Variants in NFIA observed in about 807,000 individuals in gnomAD.
The protein encoded by NFIA is nuclear factor I A.
Under a neutral mutation model 62.8 loss-of-function variants are expected in NFIA, and 8 were observed. That is an observed-to-expected ratio of 0.13 (90% CI 0.07 to 0.23). The LOEUF is 0.23. NFIA is among the 10% of genes least tolerant of loss of function. The pLI is 1.00. For missense variants in NFIA, 410 were observed against 642.1 expected (o/e 0.64, Z 3.91); for synonymous variants, 235 against 238.1 (o/e 0.99, Z 0.12).
chr1:61,160,094 T>C (rs1649087506), intron 2 of NFIA, among the ~76,000 whole-genome samples: 1 of 152,204 alleles, frequency 6.6e-6, no homozygotes, highest in African/African-American at 2.4e-5. Flanking sequence ...TGTTCTTTAA[T>C]AGGAGGGGCC....
At chr1:61,293,259 A>T (rs1659002019) in intron 3 of NFIA, among the ~76,000 whole-genome samples, 1 of 152,110 alleles carries the variant, frequency 6.6e-6, no homozygotes, top group Admixed American at 6.6e-5. Context: ...TTTGTAAATA[A>T]GAAATGTGCC....
chr1:61,235,667 G>A (rs1401632950), intron 2 of NFIA, among the ~76,000 whole-genome samples: 1 of 146,616 alleles, frequency 6.8e-6, no homozygotes, highest in Admixed American at 6.8e-5. Flanking sequence ...AAAAAAAAAA[G>A]CTGGGTGTGG....
intron 10 of NFIA, among the ~76,000 whole-genome samples, chr1:61,436,066 T>TG (rs1433272251): frequency 6.6e-6 from 1 of 152,106 alleles, no homozygotes; most frequent in Non-Finnish European, 1.5e-5. Flanking sequence ...CCTGCTCCCA[T>TG]GGGGCTGGGT....
At chr1:61,419,171 A>C (rs564144289) in intron 9 of NFIA, among the ~76,000 whole-genome samples, 1 of 152,312 alleles carries the variant, frequency 6.6e-6, no homozygotes, top group African/African-American at 2.4e-5. Context: ...GGCCAGGTGT[A>C]GTGGTTTGCC....
intron 2 of NFIA, among the ~76,000 whole-genome samples, chr1:61,263,356 G>A (rs552563375): frequency 9.2e-5 from 14 of 152,100 alleles, no homozygotes; most frequent in Non-Finnish European, 1.9e-4. Context: ...ATGCTGCCAG[G>A]GTTTAAACAT....
chr1:61,327,185 G>A (rs1164259351), intron 3 of NFIA, among the ~76,000 whole-genome samples: 1 of 150,298 alleles, frequency 6.7e-6, no homozygotes, highest in Non-Finnish European at 1.5e-5. Flanking sequence ...TGCTGCAAAT[G>A]AGACAGAGAG....
intron 7 of NFIA, among the ~76,000 whole-genome samples, chr1:61,402,950 A>G (rs1305899767): frequency 1.3e-5 from 2 of 152,202 alleles, no homozygotes; most frequent in Admixed American, 6.5e-5. Flanking sequence ...ATACAGATGC[A>G]TTCTTTTTCA....
chr1:61,155,809 T>C (rs1350751447), intron 2 of NFIA, among the ~76,000 whole-genome samples: 1 of 152,114 alleles, frequency 6.6e-6, no homozygotes, highest in Non-Finnish European at 1.5e-5. Flanking sequence ...ATTATTGGTG[T>C]GCTGGTGAAA....
intron 2 of NFIA, among the ~76,000 whole-genome samples, chr1:61,179,374 G>T (rs1177889437): frequency 6.6e-6 from 1 of 152,216 alleles, no homozygotes. Context: ...CTGGGGTATT[G>T]TTCCTAGTTC....
intron 2 of NFIA, among the ~76,000 whole-genome samples, chr1:61,185,890 C>T (rs1482911817): frequency 6.6e-6 from 1 of 152,046 alleles, no homozygotes. Flanking sequence ...GTCTGAAATG[C>T]TCTTGTTAAT....
intron 2 of NFIA, among the ~76,000 whole-genome samples, chr1:61,225,572 T>C (rs1426072073): frequency 6.6e-6 from 1 of 150,886 alleles, no homozygotes; most frequent in African/African-American, 2.4e-5. Context: ...TTTTTTTTTT[T>C]GCATGTGAAA....
At chr1:61,354,523 G>C (rs183423018) in intron 5 of NFIA, among the ~76,000 whole-genome samples, 62 of 152,270 alleles carry the variant, frequency 4.1e-4, no homozygotes, top group African/African-American at 1.5e-3. Context: ...AACACACACA[G>C]TGTTTTCATT....
intron 2 of NFIA, among the ~76,000 whole-genome samples, chr1:61,271,788 T>C (rs980509157): frequency 6.6e-6 from 1 of 152,364 alleles, no homozygotes; most frequent in East Asian, 1.9e-4. Flanking sequence ...AGTTACCGTG[T>C]ACATATATCT....
chr1:61,307,651 TTTTA>T (rs1659872224), intron 3 of NFIA, among the ~76,000 whole-genome samples: 1 of 152,230 alleles, frequency 6.6e-6, no homozygotes, highest in African/African-American at 2.4e-5. Context: ...CTGTTTTGTG[TTTTA>T]TTAAGTTGCT....
At chr1:61,226,969 C>G (rs1654371473) in intron 2 of NFIA, among the ~76,000 whole-genome samples, 1 of 152,164 alleles carries the variant, frequency 6.6e-6, no homozygotes, top group African/African-American at 2.4e-5. Flanking sequence ...TCTCCCATGC[C>G]AATAGTTTTC....
At chr1:61,273,368 G>A (rs1557675616) in intron 2 of NFIA, among the ~76,000 whole-genome samples, 1 of 152,134 alleles carries the variant, frequency 6.6e-6, no homozygotes, top group East Asian at 1.9e-4. Flanking sequence ...GTGATTGTCT[G>A]CAATTTCTAA....
At chr1:61,367,826 T>C (rs1246397665) in intron 6 of NFIA, among the ~76,000 whole-genome samples, 3 of 146,630 alleles carry the variant, frequency 2.0e-5, no homozygotes, top group African/African-American at 5.0e-5. Flanking sequence ...GTATGTGTTA[T>C]ATACATATAT....
chr1:61,196,908 TGTG>T (rs1652042372), intron 2 of NFIA, among the ~76,000 whole-genome samples: 4 of 54,466 alleles, frequency 7.3e-5, no homozygotes, highest in South Asian at 5.3e-4. Flanking sequence ...AGTGTGTGTG[TGTG>T]TGTGTGTGTG....
intron 10 of NFIA, among the ~76,000 whole-genome samples, chr1:61,448,875 G>A (rs541823611): frequency 3.0e-4 from 46 of 152,216 alleles, no homozygotes; most frequent in Non-Finnish European, 2.6e-4. Context: ...CTGGAATCTC[G>A]TGAAAGATTC....
Sources: allele counts gnomAD v4.1 joint callset (sites outside exome capture counted in the v4.1 genomes callset), GRCh38; gene constraint gnomAD v4.1.1; transcripts MANE v1.5; gene names NCBI Gene and HGNC (gene_info 2026-07-23, HGNC 2026-07-21).